Variants in PRKAG2 observed in about 807,000 individuals in gnomAD.
PRKAG2 encodes 5'-AMP-activated protein kinase subunit gamma-2.
In PRKAG2, 26 loss-of-function variants were observed where a neutral mutation model predicts 69.6. The ratio of observed to expected loss-of-function variants is 0.37; its 90% CI spans 0.27 to 0.52. PRKAG2 has a LOEUF of 0.52. Ranked by LOEUF, PRKAG2 falls within the 20% of genes least tolerant of loss-of-function variation. The pLI is 0.90. For synonymous variants in PRKAG2, 293 were observed against 285.0 expected (o/e 1.03, Z -0.28); for missense variants, 557 against 740.0 (o/e 0.75, Z 2.87).
intron 4 of PRKAG2, among the ~76,000 whole-genome samples, chr7:151,657,964 C>T (rs1829700358): frequency 6.6e-6 from 1 of 151,008 alleles, no homozygotes; most frequent in Non-Finnish European, 1.5e-5. Context: ...TTGAGACCAG[C>T]CTGGCTAACA....
intron 1 of PRKAG2, among the ~76,000 whole-genome samples, chr7:151,822,988 G>A (rs2078824723): frequency 6.6e-6 from 1 of 152,106 alleles, no homozygotes; most frequent in Non-Finnish European, 1.5e-5. Context: ...GAAAATCTAG[G>A]GCTCCTAGAA....
At chr7:151,636,109 C>T (rs923104370) in intron 4 of PRKAG2, among the ~76,000 whole-genome samples, 14 of 151,992 alleles carry the variant, frequency 9.2e-5, no homozygotes, top group African/African-American at 2.2e-4. Context: ...CCTCAGACTC[C>T]CAAAGTGCTG....
intron 1 of PRKAG2, among the ~76,000 whole-genome samples, chr7:151,797,242 C>A (rs568530369): frequency 6.6e-6 from 1 of 151,050 alleles, no homozygotes; most frequent in Non-Finnish European, 1.5e-5. Context: ...CCCCACCCCC[C>A]ACCGCCGCCT....
At chr7:151,735,698 A>G (rs1799664469) in intron 3 of PRKAG2, among the ~76,000 whole-genome samples, 1 of 152,200 alleles carries the variant, frequency 6.6e-6, no homozygotes, top group Non-Finnish European at 1.5e-5. Flanking sequence ...CAGAAAGAGT[A>G]TTGTCAGGCG....
chr7:151,755,098 G>T (rs1013989664), intron 3 of PRKAG2, among the ~76,000 whole-genome samples: 1 of 152,268 alleles, frequency 6.6e-6, no homozygotes, highest in Non-Finnish European at 1.5e-5. Context: ...TGTCCTGAGC[G>T]GGGGTCGGGG....
chr7:151,831,777 C>T (rs1454771137), intron 1 of PRKAG2, among the ~76,000 whole-genome samples: 1 of 152,190 alleles, frequency 6.6e-6, no homozygotes, highest in African/African-American at 2.4e-5. Context: ...GTGCTGTGTC[C>T]CAGGCAGGAG....
At chr7:151,731,347 G>C (rs1169171736) in intron 3 of PRKAG2, among the ~76,000 whole-genome samples, 2 of 152,228 alleles carry the variant, frequency 1.3e-5, no homozygotes, top group African/African-American at 4.8e-5. Flanking sequence ...AGAGGGGTAA[G>C]GGCTGAGCAC....
intron 6 of PRKAG2, among the ~76,000 whole-genome samples, chr7:151,580,237 C>T (rs373515495): frequency 6.6e-6 from 1 of 152,172 alleles, no homozygotes; most frequent in East Asian, 1.9e-4. Context: ...ATCCCAGCTA[C>T]TTGGGAGGCT....
intron 1 of PRKAG2, among the ~76,000 whole-genome samples, chr7:151,832,598 G>C (rs2079061943): frequency 6.6e-6 from 1 of 151,454 alleles, no homozygotes; most frequent in Admixed American, 6.6e-5. Context: ...GCATCTCTGG[G>C]GGGGGGGTCC....
At chr7:151,864,971 T>A (rs2080025042) in intron 1 of PRKAG2, among the ~76,000 whole-genome samples, 1 of 152,136 alleles carries the variant, frequency 6.6e-6, no homozygotes, top group Admixed American at 6.6e-5. Flanking sequence ...TTAAATAGCA[T>A]ATGATTAGAT....
intron 3 of PRKAG2, among the ~76,000 whole-genome samples, chr7:151,730,680 G>A (rs1315852097): frequency 6.6e-6 from 1 of 152,096 alleles, no homozygotes; most frequent in Non-Finnish European, 1.5e-5. Context: ...GGGCTGGATG[G>A]GGGCGGGAGA....
In PRKAG2 at chr7:151,689,684, G is replaced by A. The variant is rs559013218; in HGVS notation, c.467-14047C>T. Among the ~76,000 whole-genome samples the A allele has an allele frequency of 3.9e-3, 597 of 152,290 alleles. 2 individuals carry two copies. Among genetic ancestry groups the A allele is most frequent in the African/African-American group, 0.013 (553 of 41,556 alleles). ...GTGGCAGACACTCCCTTCCTGGGGT[G>A]CTGGCTGCAGCCGGCTGCCATGGGA... On this transcript the variant is annotated intron_variant, in intron 3 of 15. Coordinates refer to ENST00000287878, the MANE Select transcript of PRKAG2 (RefSeq NM_016203.4).
At chr7:151,846,297 G>A (rs1461113465) in intron 1 of PRKAG2, among the ~76,000 whole-genome samples, 2 of 151,972 alleles carry the variant, frequency 1.3e-5, no homozygotes, top group East Asian at 1.9e-4. Context: ...GCGAAACCCC[G>A]TCTCTACTAA....
chr7:151,575,896 CAAA>C (rs397769419), intron 7 of PRKAG2, among the ~76,000 whole-genome samples: 8 of 63,516 alleles, frequency 1.3e-4, no homozygotes, highest in Admixed American at 1.7e-4. Context: ...AATGAGGCGG[CAAA>C]AAAAAAAAAA....
rs1193313906 is a variant in PRKAG2, at chr7:151,814,298, C to A, written c.115-27757G>T. On this transcript the variant is annotated intron_variant, in intron 1 of 15. Coordinates refer to ENST00000287878, the MANE Select transcript of PRKAG2 (RefSeq NM_016203.4). This position sits in a 1 kb window ranked among gnomAD's most constrained non-coding sequence, Gnocchi z 4.8. The stretch of plus-strand genomic sequence containing the variant: ...AAGAGGCTCTTGGAGAACAAAGCCA[C>A]AATTCAGCATCAGTCTTACACACCA... 1.5e-6 allele frequency: 1 copy of A among 683,916 alleles called. No individual in the cohort carries two copies. Among genetic ancestry groups the A allele is most frequent in the Non-Finnish European group, 1.9e-6 (1 of 519,968 alleles). 42.4% of individuals were successfully genotyped at this position (683,916 alleles called of 1,614,324 possible). A position where few individuals can be genotyped will look rare whatever the true frequency, so the allele number is the denominator to read the frequency against.
At chr7:151,573,263 T>C (rs955854594) in intron 8 of PRKAG2, among the ~76,000 whole-genome samples, 2 of 148,224 alleles carry the variant, frequency 1.3e-5, no homozygotes, top group African/African-American at 5.0e-5. Flanking sequence ...GCTTAAGTAA[T>C]CCTCTCAACT....
At chr7:151,642,047 A>G (rs1273596035) in intron 4 of PRKAG2, among the ~76,000 whole-genome samples, 1 of 150,300 alleles carries the variant, frequency 6.7e-6, no homozygotes, top group South Asian at 2.1e-4. Context: ...AAAAAAAAAA[A>G]AAAAGGGGCC....
chr7:151,616,088 T>A (rs1026059017), intron 5 of PRKAG2, among the ~76,000 whole-genome samples: 7 of 152,202 alleles, frequency 4.6e-5, no homozygotes, highest in African/African-American at 1.4e-4. Flanking sequence ...TTGCCACTGG[T>A]CAGAGGGTTC....
chr7:151,719,331 C>T lies in PRKAG2; in HGVS notation c.467-43694G>A, dbSNP rs960097992. Among the ~76,000 whole-genome samples, 1 of 152,030 alleles carries T rather than the reference C, an allele frequency of 6.6e-6. No individual in the cohort carries two copies. The highest frequency in any genetic ancestry group is 2.4e-5 in the African/African-American group (1 of 41,398). On this transcript the variant is annotated intron_variant, in intron 3 of 15. Transcript: ENST00000287878. This position sits in a 1 kb window ranked among gnomAD's most constrained non-coding sequence, Gnocchi z 5.2. ...AGTGGGACTTTATGAAGGAGGTAGT[C>T]ACAGAGACCCACCGCTCAGGCCTCC...
Sources: allele counts gnomAD v4.1 joint callset (sites outside exome capture counted in the v4.1 genomes callset), GRCh38; gene constraint gnomAD v4.1.1; non-coding constraint Gnocchi (gnomAD v3.1); transcripts MANE v1.5; gene names NCBI Gene and HGNC (gene_info 2026-07-23, HGNC 2026-07-21).